The following TRAM2 variants were observed in gnomAD, a reference collection of about 807,000 sequenced individuals.
TRAM2 encodes translocation associated membrane protein 2, also known as translocating chain-associated membrane protein 2.
In TRAM2, 12 loss-of-function variants were observed where a neutral mutation model predicts 51.0. That is an observed-to-expected ratio of 0.24 (90% CI 0.15 to 0.38). The LOEUF (loss-of-function observed/expected upper bound fraction) is 0.38, where lower values mean the gene tolerates loss of function less well. Among genes scored for constraint, TRAM2 ranks in the 10% least tolerant of loss-of-function variants. The pLI is 1.00. For synonymous variants in TRAM2, 175 were observed against 179.4 expected (o/e 0.98, Z 0.20); for missense variants, 361 against 462.0 (o/e 0.78, Z 2.00).
chr6:52,517,254 T>C (rs898046676), intron 2 of TRAM2: 2 of 152,962 alleles, frequency 1.3e-5, no homozygotes, highest in African/African-American at 4.8e-5. Context: ...ATGTGTGACT[T>C]TTCTGTACCT....
intron 1 of TRAM2, among the ~76,000 whole-genome samples, chr6:52,563,783 CT>C (rs1159589056): frequency 1.3e-5 from 2 of 149,100 alleles, no homozygotes; most frequent in African/African-American, 4.9e-5. Flanking sequence ...CAATGAATTC[CT>C]TTTTTATGTT....
intron 1 of TRAM2, among the ~76,000 whole-genome samples, chr6:52,563,746 T>G (rs540666408): frequency 6.7e-6 from 1 of 149,736 alleles, no homozygotes; most frequent in Non-Finnish European, 1.5e-5. Flanking sequence ...GGGAGCTAGA[T>G]GAGAACAGGT....
chr6:52,529,564 T>C (rs935924197), intron 2 of TRAM2: 1 of 152,194 alleles, frequency 6.6e-6, no homozygotes, highest in African/African-American at 2.4e-5. Context: ...GTGCCGATGG[T>C]GTTGGTCTAC....
rs374741764 is a variant in TRAM2 at position 52,505,992 on chromosome 6, C to T, written c.731+40G>A. 1.2e-5 allele frequency: 19 copies of T among 1,605,396 alleles called. No individual in the cohort carries two copies. In the East Asian group the frequency reaches 4.0e-4, roughly 34 times the overall value. Reference sequence around the variant, plus strand: ...TCCGGGCCTCGGGGGAACCCCTGCCCAGGCCTCTAAGCGGGCCAGCCTGCA... The same window carrying T: ...TCCGGGCCTCGGGGGAACCCCTGCCTAGGCCTCTAAGCGGGCCAGCCTGCA... On this transcript the variant is annotated intron_variant, in intron 8 of 10. Coordinates refer to ENST00000182527, the MANE Select transcript of TRAM2 (RefSeq NM_012288.4).
At chr6:52,524,252 T>C (rs568665948) in intron 2 of TRAM2, 2 of 152,266 alleles carry the variant, frequency 1.3e-5, no homozygotes, top group Admixed American at 1.3e-4. Context: ...CATATTGATA[T>C]GAAATGATAT....
At chr6:52,566,856 T>A (rs756644390) in intron 1 of TRAM2, among the ~76,000 whole-genome samples, 3 of 152,184 alleles carry the variant, frequency 2.0e-5, no homozygotes, top group Non-Finnish European at 4.4e-5. Flanking sequence ...TCTAGTACAC[T>A]ACACTTACTG....
At chr6:52,541,821 A>T (rs1232117077) in intron 1 of TRAM2, among the ~76,000 whole-genome samples, 3 of 113,618 alleles carry the variant, frequency 2.6e-5, no homozygotes, top group African/African-American at 3.2e-5. Flanking sequence ...TTTTTTTGGC[A>T]GACACATCCA....
chr6:52,550,243 A>G (rs2114096405), intron 1 of TRAM2, among the ~76,000 whole-genome samples: 1 of 152,170 alleles, frequency 6.6e-6, no homozygotes, highest in Middle Eastern at 3.4e-3. Context: ...CACAGCTCTC[A>G]ATGGTATTTC....
chr6:52,518,008 G>A (rs1766583608), intron 2 of TRAM2, among the ~76,000 whole-genome samples: 5 of 152,170 alleles, frequency 3.3e-5, no homozygotes, highest in Admixed American at 3.3e-4. Context: ...TTCTGTGAGA[G>A]GCACTGGGCT....
intron 1 of TRAM2, among the ~76,000 whole-genome samples, chr6:52,570,867 TTACTTGCA>T (rs1156942278): frequency 1.4e-5 from 2 of 142,460 alleles, no homozygotes; most frequent in Admixed American, 1.5e-4. Context: ...TTTGCAAGAG[TTACTTGCA>T]AAGCTCTTTA....
intron 1 of TRAM2, among the ~76,000 whole-genome samples, chr6:52,572,629 T>C (rs562798449): frequency 6.6e-6 from 1 of 152,306 alleles, no homozygotes; most frequent in African/African-American, 2.4e-5. Flanking sequence ...ACAGATGTAT[T>C]ATGTGTGCCA....
At chr6:52,571,850 G>A (rs10484874) in intron 1 of TRAM2, among the ~76,000 whole-genome samples, 10,737 of 152,304 alleles carry the variant, frequency 0.07, 462 homozygotes, top group South Asian at 0.11. Flanking sequence ...AATGAAGTCA[G>A]TACCAATAGT....
At chr6:52,539,996 C>A (rs998322230) in intron 1 of TRAM2, among the ~76,000 whole-genome samples, 16 of 151,908 alleles carry the variant, frequency 1.1e-4, no homozygotes, top group African/African-American at 3.4e-4. Flanking sequence ...ACAGGATCTA[C>A]GGCCATAATC....
chr6:52,507,645 G>A (rs777592563), intron 6 of TRAM2, 22 bp from the exon 7 acceptor site: 24 of 1,611,650 alleles, frequency 1.5e-5, no homozygotes, highest in Non-Finnish European at 2.0e-5. Context: ...AGAAGCAGAT[G>A]GTAAATTTGC....
Position 52,570,797 on chromosome 6 carries a change from C to CG in TRAM2, c.120+5998_120+5999insC, listed in dbSNP as rs201203133. ...TGCCCCAATCCTCCCTGCCCACCAC[C>CG]CCCCCCCCCACACGCACACACACTC... On this transcript the variant is annotated intron_variant, in intron 1 of 10. Transcript: ENST00000182527. Among the ~76,000 whole-genome samples, 489 of 112,994 alleles carry CG rather than the reference C, an allele frequency of 4.3e-3. 19 individuals carry two copies. Among genetic ancestry groups the CG allele is most frequent in the African/African-American group, 0.014 (426 of 29,510 alleles). The allele number at this position is 112,994 out of a possible 152,430, so 74.1% of individuals were successfully genotyped here. A position where few individuals can be genotyped will look rare whatever the true frequency, so the allele number is the denominator to read the frequency against.
At position 52,498,040 on chromosome 6, in the gene TRAM2, A is replaced by G. The variant is rs914291211; in HGVS notation, c.*5157T>C. 6.6e-6 allele frequency: 1 copy of G among 152,210 alleles called. No individual in the cohort carries two copies. Among genetic ancestry groups the G allele is most frequent in the Non-Finnish European group, 1.5e-5 (1 of 68,046 alleles). The allele number at this position is 152,210 out of a possible 1,614,324, so 9.4% of individuals were successfully genotyped here. A position where few individuals can be genotyped will look rare whatever the true frequency, so the allele number is the denominator to read the frequency against. ...AGAATGGTTTTTTCCTCTTCAACAC[A>G]TTTTTTAAAAATAGACCTCTAAGAT... On this transcript the variant is annotated 3_prime_UTR_variant, in exon 11 of 11. Transcript: ENST00000182527.
chr6:52,576,579 G>A (rs1767769629), intron 1 of TRAM2, among the ~76,000 whole-genome samples: 2 of 152,364 alleles, frequency 1.3e-5, no homozygotes, highest in Non-Finnish European at 2.9e-5. Context: ...GGGCGGCAGA[G>A]CATGGCATGG....
chr6:52,539,330 A>G lies in TRAM2; in HGVS notation c.121-3484T>C, dbSNP rs114115151. On this transcript the variant is annotated intron_variant, in intron 1 of 10. Coordinates refer to ENST00000182527, the MANE Select transcript of TRAM2 (RefSeq NM_012288.4). ...GGGAATGTGAGTGTTGGGCAACCCAAAAGTGTTTGCAGCTCTGCACATCTC... is the reference window on the plus strand; with the variant it reads ...GGGAATGTGAGTGTTGGGCAACCCAGAAGTGTTTGCAGCTCTGCACATCTC... Among the ~76,000 whole-genome samples, 614 of 152,332 alleles carry G rather than the reference A, an allele frequency of 4.0e-3. 4 individuals carry two copies. Among genetic ancestry groups the G allele is most frequent in the Middle Eastern group, 0.014 (4 of 294 alleles).
chr6:52,535,169 G>C (rs1766957897), intron 2 of TRAM2, among the ~76,000 whole-genome samples: 2 of 152,226 alleles, frequency 1.3e-5, no homozygotes, highest in Admixed American at 1.3e-4. Flanking sequence ...CTGGAGAACA[G>C]ATCAATGGTC....
Sources: allele counts gnomAD v4.1 joint callset (sites outside exome capture counted in the v4.1 genomes callset), GRCh38; gene constraint gnomAD v4.1.1; transcripts MANE v1.5; gene names NCBI Gene and HGNC (gene_info 2026-07-23, HGNC 2026-07-21).